THSD7A: variants seen among roughly 807,000 people sequenced by gnomAD.
THSD7A encodes thrombospondin type 1 domain containing 7A, also known as thrombospondin type-1 domain-containing protein 7A.
Under a neutral mutation model 231.3 loss-of-function variants are expected in THSD7A, and 96 were observed. The ratio of observed to expected loss-of-function variants is 0.41; its 90% CI spans 0.35 to 0.49. The LOEUF is 0.49. THSD7A is among the 20% of genes least tolerant of loss of function. THSD7A has a pLI of 0.05. For missense variants in THSD7A, 2,290 were observed against 2,070.2 expected (o/e 1.11, Z -2.06); for synonymous variants, 940 against 743.3 (o/e 1.26, Z -4.30).
chr7:11,615,015 T>C (rs922137758), intron 2 of THSD7A, among the ~76,000 whole-genome samples: 5 of 152,236 alleles, frequency 3.3e-5, no homozygotes, highest in Non-Finnish European at 5.9e-5. Flanking sequence ...AGGAGGGAAC[T>C]GATTATGGCA....
rs188079347 is a variant in THSD7A at position 11,485,929 on chromosome 7, A to T, written c.1823-3947T>A. 1.5e-3 allele frequency among the ~76,000 whole-genome samples: 230 copies of T among 152,296 alleles called. 1 individual carries two copies. Among genetic ancestry groups the T allele is most frequent in the African/African-American group, 5.3e-3 (219 of 41,566 alleles). ...AGAATATGGAATAATTAAATTTTTG[A>T]TTTTGCTTTCAATGAATGCTTTAAT... On this transcript the variant is annotated intron_variant, in intron 6 of 27. Transcript: ENST00000423059.
chr7:11,551,040 T>A (rs1218051883), intron 4 of THSD7A, among the ~76,000 whole-genome samples: 1 of 151,888 alleles, frequency 6.6e-6, no homozygotes, highest in Admixed American at 6.6e-5. Context: ...AGAAACAAAG[T>A]CACACACTTA....
At chr7:11,575,000 C>T (rs1790827202) in intron 4 of THSD7A, among the ~76,000 whole-genome samples, 1 of 152,092 alleles carries the variant, frequency 6.6e-6, no homozygotes, top group African/African-American at 2.4e-5. Context: ...CGTTTACTAG[C>T]TATATTCCTT....
At chr7:11,792,347 G>GA (rs1010648243) in intron 1 of THSD7A, among the ~76,000 whole-genome samples, 4 of 151,928 alleles carry the variant, frequency 2.6e-5, no homozygotes, top group South Asian at 2.1e-4. Flanking sequence ...TTTTCCTGCT[G>GA]AAAAGTCCTT....
chr7:11,371,569 T>C lies in THSD7A; in HGVS notation c.*4225A>G, dbSNP rs1254474782. ...TTTGGGAATTGTGCTTCTCATGTAC[T>C]ATTGAGACCCACGTCAGCTTTAGAA... On this transcript the variant is annotated 3_prime_UTR_variant, in exon 28 of 28. Coordinates refer to ENST00000423059, the MANE Select transcript of THSD7A (RefSeq NM_015204.3). 3 of 152,312 alleles carry C rather than the reference T, an allele frequency of 2.0e-5. No individual in the cohort carries two copies. The allele number at this position is 152,312 out of a possible 1,614,324, so 9.4% of individuals were successfully genotyped here.
chr7:11,500,576 C>T (rs1787289779), intron 6 of THSD7A, among the ~76,000 whole-genome samples: 1 of 151,916 alleles, frequency 6.6e-6, no homozygotes, highest in African/African-American at 2.4e-5. Flanking sequence ...AGGCCCATTT[C>T]AGATATAATG....
At chr7:11,801,719 GC>G (rs1784283341) in intron 1 of THSD7A, among the ~76,000 whole-genome samples, 1 of 152,086 alleles carries the variant, frequency 6.6e-6, no homozygotes, top group African/African-American at 2.4e-5. Flanking sequence ...TGAAAGTAAA[GC>G]CAAACAACAA....
rs1368322209 is a variant in THSD7A, at chr7:11,407,387, A to G, written c.3835T>C (p.Cys1279Arg). The change falls in exon 20 of 28, where the codon TGC becomes CGC. Residue 1279 changes from cysteine to arginine, a missense_variant. Physicochemically the swap from Cys to Arg is radical, Grantham distance 180. Transcript: ENST00000423059. Reference sequence around the variant, plus strand: ...CAGTTCACAGGGCATTCCACCATGCAGGACGTGTTCATCTGCCAGTTCTTC... The same window carrying G: ...CAGTTCACAGGGCATTCCACCATGCGGGACGTGTTCATCTGCCAGTTCTTC... Reference protein sequence around the residue: ...LEKNWQMNTSCMVECPVNCQL... With the variant: ...LEKNWQMNTSRMVECPVNCQL... The G allele has an allele frequency of 1.2e-6, 2 of 1,613,508 alleles. No individual in the cohort carries two copies.
At position 11,377,277 on chromosome 7, in the gene THSD7A, T is replaced by C. The variant is rs1348162024; in HGVS notation, c.4802-620A>G. 6.6e-6 allele frequency among the ~76,000 whole-genome samples: 1 copy of C among 152,062 alleles called. No homozygotes were observed. Among genetic ancestry groups the C allele is most frequent in the African/African-American group, 2.4e-5 (1 of 41,446 alleles). On this transcript the variant is annotated intron_variant, in intron 26 of 27. Coordinates refer to ENST00000423059, the MANE Select transcript of THSD7A (RefSeq NM_015204.3). The surrounding 1 kb of genome is among the most constrained non-coding windows in gnomAD (Gnocchi z 4.5). ...TCTATAAATAATTTTTTTTCTACCT[T>C]TTCTATTATATGGAATCAGACATAA...
chr7:11,471,878 T>C (rs1365640650), intron 8 of THSD7A, among the ~76,000 whole-genome samples: 9 of 152,128 alleles, frequency 5.9e-5, no homozygotes, highest in African/African-American at 1.2e-4. Context: ...GTAATTATTA[T>C]TGTCAGCACT....
At chr7:11,741,406 C>G (rs947050391) in intron 1 of THSD7A, among the ~76,000 whole-genome samples, 6 of 151,890 alleles carry the variant, frequency 4.0e-5, no homozygotes, top group Middle Eastern at 3.4e-3. Flanking sequence ...TGCACTCTGC[C>G]CTTTCTTCCA....
At position 11,572,597 on chromosome 7, in the gene THSD7A, C is replaced by CTCCT. The variant is rs1202178618; in HGVS notation, c.1453+17859_1453+17862dup. On this transcript the variant is annotated intron_variant, in intron 4 of 27. Coordinates refer to ENST00000423059, the MANE Select transcript of THSD7A (RefSeq NM_015204.3). Reference sequence around the variant, plus strand: ...AATCATAGCTCACTGAAGCCTCAACCTCCTAGGCTCAGTGATCCTCCCACC... The same window carrying CTCCT: ...AATCATAGCTCACTGAAGCCTCAACCTCCTTCCTAGGCTCAGTGATCCTCCCACC... Among the ~76,000 whole-genome samples the CTCCT allele has an allele frequency of 2.0e-5, 3 of 152,274 alleles. No homozygotes were observed. The East Asian group carries it at 5.8e-4, about 29-fold the overall frequency.
intron 13 of THSD7A, among the ~76,000 whole-genome samples, chr7:11,445,083 T>C (rs1008623656): frequency 2.6e-5 from 4 of 151,784 alleles, no homozygotes; most frequent in Admixed American, 6.6e-5. Context: ...CTGAACCATA[T>C]AATAAAACTG....
intron 1 of THSD7A, among the ~76,000 whole-genome samples, chr7:11,766,614 T>C (rs1344547756): frequency 1.3e-5 from 2 of 152,170 alleles, no homozygotes; most frequent in African/African-American, 4.8e-5. Context: ...GCAATAAATA[T>C]ATGAAACAAG....
rs373560738 is a variant in THSD7A, at chr7:11,472,621, G to A, written c.2252+1713C>T. ...TGAAGCAAATTTTTAATGAATTATT[G>A]TGGTAGTATCACATGGGGCTTCAGG... On this transcript the variant is annotated intron_variant, in intron 8 of 27. Coordinates refer to ENST00000423059, the MANE Select transcript of THSD7A (RefSeq NM_015204.3). Among the ~76,000 whole-genome samples, 13 of 152,256 alleles carry A rather than the reference G, an allele frequency of 8.5e-5. No individual in the cohort carries two copies. In the East Asian group the frequency reaches 2.3e-3, roughly 27 times the overall value.
intron 1 of THSD7A, among the ~76,000 whole-genome samples, chr7:11,718,519 G>T (rs777331403): frequency 1.3e-4 from 19 of 151,500 alleles, no homozygotes; most frequent in Non-Finnish European, 2.5e-4. Flanking sequence ...GAACTAGCAG[G>T]TAGTGCATTC....
chr7:11,790,367 G>T (rs996095357), intron 1 of THSD7A, among the ~76,000 whole-genome samples: 25 of 151,898 alleles, frequency 1.6e-4, no homozygotes, highest in African/African-American at 5.8e-4. Flanking sequence ...ATTGTAGAGA[G>T]ATTTGCTGTG....
chr7:11,495,335 C>A (rs896322653), intron 6 of THSD7A, among the ~76,000 whole-genome samples: 4 of 151,700 alleles, frequency 2.6e-5, no homozygotes, highest in African/African-American at 9.7e-5. Context: ...TTTAGAAGAC[C>A]CTTGGCCGTA....
chr7:11,789,560 CTT>C (rs5882324), intron 1 of THSD7A, among the ~76,000 whole-genome samples: 53 of 147,996 alleles, frequency 3.6e-4, no homozygotes, highest in Admixed American at 1.0e-3. Flanking sequence ...ATTTATTTGT[CTT>C]TTTTTTTTTC....
Sources: gnomAD v4.1 joint callset for allele counts (sites outside exome capture counted in the v4.1 genomes callset) on GRCh38, gnomAD v4.1.1 for gene constraint, Gnocchi (gnomAD v3.1) non-coding constraint, MANE v1.5 for transcripts, NCBI Gene and HGNC (gene_info 2026-07-23, HGNC 2026-07-21) for gene names.